The following DMD variants were observed in gnomAD, a reference collection of about 807,000 sequenced individuals.
DMD encodes the protein mutant dystrophin.
DMD carries 63 observed loss-of-function variants against 330.1 expected under a neutral mutation model. That is an observed-to-expected ratio of 0.19 (90% CI 0.16 to 0.24). The LOEUF (loss-of-function observed/expected upper bound fraction) is 0.24. Among genes scored for constraint, DMD ranks in the 10% least tolerant of loss-of-function variants. The probability of loss-of-function intolerance (pLI) is 1.00; values close to 1 mark genes in which losing one functional copy is unlikely to be tolerated. For synonymous variants in DMD, 1,223 were observed against 959.8 expected, an observed-to-expected ratio of 1.27 and a Z score of -5.07; for missense variants, 3,344 against 2,684.1, an observed-to-expected ratio of 1.25 and a Z score of -5.43.
At chrX:32,496,791 T>G (rs752453912) in intron 19 of DMD, among the ~76,000 whole-genome samples, 7 of 112,654 alleles carry the variant, frequency 6.2e-5, no homozygotes, top group Non-Finnish European at 1.3e-4. Flanking sequence ...ATTTATTGAA[T>G]GTGAACTCTG....
At chrX:33,015,333 T>G (rs1020222327) in intron 2 of DMD, among the ~76,000 whole-genome samples, 2 of 111,493 alleles carry the variant, frequency 1.8e-5, no homozygotes, top group African/African-American at 6.5e-5. Context: ...TATGTAGCCA[T>G]AAGAAAGAAT....
At chrX:31,574,266 C>T (rs2075984814) in intron 55 of DMD, among the ~76,000 whole-genome samples, 2 of 106,984 alleles carry the variant, frequency 1.9e-5, no homozygotes, top group African/African-American at 3.4e-5. Flanking sequence ...GCCTCAGCCT[C>T]CTGAGTAGCT....
chrX:31,619,056 C>T (rs1045537682), intron 55 of DMD, among the ~76,000 whole-genome samples: 11 of 111,187 alleles, frequency 9.9e-5, no homozygotes. Flanking sequence ...ACTTAGTACA[C>T]ACCTTGGCAC....
intron 2 of DMD, among the ~76,000 whole-genome samples, chrX:32,939,811 T>TA (rs772261370): frequency 9.2e-6 from 1 of 108,826 alleles, no homozygotes; most frequent in African/African-American, 3.3e-5. Flanking sequence ...ATAATAGCCA[T>TA]AAAAAATAAA....
At chrX:31,756,139 T>C (rs1240278677) in intron 51 of DMD, among the ~76,000 whole-genome samples, 3 of 110,759 alleles carry the variant, frequency 2.7e-5, no homozygotes, top group Non-Finnish European at 5.7e-5. Context: ...GGTGAGATCA[T>C]TGCCTCCCAC....
chrX:32,253,024 T>C (rs2097283042), intron 43 of DMD, among the ~76,000 whole-genome samples: 1 of 98,208 alleles, frequency 1.0e-5, no homozygotes, highest in Non-Finnish European at 2.0e-5. Flanking sequence ...ACTTTCCCGA[T>C]CGATTAAGTA....
chrX:32,558,938 CTTTTTTTTTTTTTTTTTTTT>C (rs60739281), intron 16 of DMD, among the ~76,000 whole-genome samples: 1 of 50,826 alleles, frequency 2.0e-5, no homozygotes, highest in Non-Finnish European at 3.1e-5. Context: ...TTCAAATTTT[CTTTTTTTTTTTTTTTTTTTT>C]TTTTTTTTTT....
chrX:32,760,859 C>T (rs775750510), intron 7 of DMD, among the ~76,000 whole-genome samples: 2 of 111,448 alleles, frequency 1.8e-5, no homozygotes, highest in Non-Finnish European at 3.8e-5. Flanking sequence ...GCTTTTTGTA[C>T]CTCACATAAT....
chrX:32,490,315 T>A (rs376666785), intron 20 of DMD, among the ~76,000 whole-genome samples: 16 of 112,181 alleles, frequency 1.4e-4, no homozygotes, highest in South Asian at 3.7e-4. Context: ...TAGCTCATAG[T>A]AACAATGAAA....
At chrX:32,428,232 C>A (rs1042409518) in intron 29 of DMD, among the ~76,000 whole-genome samples, 1 of 111,680 alleles carries the variant, frequency 9.0e-6, no homozygotes, top group Non-Finnish European at 1.9e-5. Flanking sequence ...TTTATTATCA[C>A]TCGGTTCTAT....
intron 64 of DMD, among the ~76,000 whole-genome samples, chrX:31,221,997 C>A (rs1320271792): frequency 2.7e-5 from 3 of 110,523 alleles, no homozygotes; most frequent in African/African-American, 9.9e-5. Context: ...TCGAGACCAT[C>A]CTGGCTAACA....
chrX:32,571,025 GGT>G (rs749334946), intron 15 of DMD, among the ~76,000 whole-genome samples: 1 of 111,553 alleles, frequency 9.0e-6, no homozygotes, highest in Non-Finnish European at 1.9e-5. Flanking sequence ...ACTTGACCTT[GGT>G]GTTTCTCCAT....
chrX:33,009,094 G>A (rs1347464732), intron 2 of DMD, among the ~76,000 whole-genome samples: 2 of 16,082 alleles, frequency 1.2e-4, no homozygotes, highest in African/African-American at 3.2e-4. Context: ...GTATATATAC[G>A]TATATATGTA....
chrX:31,514,789 T>A (rs192224791), intron 55 of DMD, among the ~76,000 whole-genome samples: 1 of 111,533 alleles, frequency 9.0e-6, no homozygotes, highest in Admixed American at 9.5e-5. Flanking sequence ...GAGGGATGTA[T>A]ACGATTGGGA....
At chrX:31,195,729 G>T (rs1194776133) in intron 67 of DMD, among the ~76,000 whole-genome samples, 2 of 105,969 alleles carry the variant, frequency 1.9e-5, no homozygotes, top group African/African-American at 6.9e-5. Context: ...AAGGAGAAGG[G>T]GACAGAGAGA....
chrX:31,429,435 G>A (rs765708036), intron 60 of DMD, among the ~76,000 whole-genome samples: 8 of 111,524 alleles, frequency 7.2e-5, no homozygotes, highest in Non-Finnish European at 1.3e-4. Flanking sequence ...GGATGGCTGC[G>A]GATCTTCGGC....
intron 67 of DMD, among the ~76,000 whole-genome samples, chrX:31,190,110 T>C (rs2042172626): frequency 8.9e-6 from 1 of 112,019 alleles, no homozygotes; most frequent in South Asian, 3.8e-4. Flanking sequence ...AATGATGCCG[T>C]ACCCCAGAGG....
intron 1 of DMD, among the ~76,000 whole-genome samples, chrX:33,145,179 C>T (rs1335494567): frequency 1.8e-5 from 2 of 112,089 alleles, no homozygotes; most frequent in African/African-American, 6.5e-5. Context: ...GGGAAGGCTC[C>T]TTCCAGGCTA....
chrX:32,898,281 T>G (rs781766587), intron 2 of DMD, among the ~76,000 whole-genome samples: 1 of 111,918 alleles, frequency 8.9e-6, no homozygotes, highest in South Asian at 3.7e-4. Context: ...CTCTCTAATA[T>G]CTAAAACAAA....
Sources: allele counts gnomAD v4.1 joint callset (sites outside exome capture counted in the v4.1 genomes callset), GRCh38; gene constraint gnomAD v4.1.1; transcripts MANE v1.5; gene names NCBI Gene and HGNC (gene_info 2026-07-23, HGNC 2026-07-21).